UTRN: variants seen among roughly 807,000 people sequenced by gnomAD.
UTRN encodes utrophin.
Under a neutral mutation model 463.9 loss-of-function variants are expected in UTRN, and 283 were observed. The observed-to-expected ratio is 0.61, with a 90% CI of 0.55 to 0.67. The LOEUF (loss-of-function observed/expected upper bound fraction) is 0.67, where lower values mean the gene tolerates loss of function less well. UTRN is among the 30% of genes least tolerant of loss of function. The pLI is 0.00. For missense variants in UTRN, 3,922 were observed against 4,084.3 expected (o/e 0.96, Z 1.08); for synonymous variants, 1,442 against 1,431.5 (o/e 1.01, Z -0.17).
At chr6:144,627,207 G>C (rs1031612078) in intron 51 of UTRN, among the ~76,000 whole-genome samples, 4 of 152,052 alleles carry the variant, frequency 2.6e-5, no homozygotes, top group Non-Finnish European at 5.9e-5. Context: ...TCTCCAAGAG[G>C]AAGATGTTGG....
intron 50 of UTRN, among the ~76,000 whole-genome samples, chr6:144,566,325 A>G (rs937754487): frequency 7.2e-5 from 11 of 152,118 alleles, no homozygotes; most frequent in African/African-American, 2.7e-4. Flanking sequence ...GGGTAAATAT[A>G]TGGTATTGCT....
chr6:144,769,450 C>T lies in UTRN; in HGVS notation c.8496-2457C>T, dbSNP rs76827537. 7.0e-4 allele frequency among the ~76,000 whole-genome samples: 106 copies of T among 152,272 alleles called. 1 individual carries two copies. In the East Asian group the frequency reaches 9.1e-3, roughly 13 times the overall value. ...ATTCACAAAGGGAGATGCCCGTTCC[C>T]TCCCTCCATCTGTTTGCCAAATGTG... is the stretch of plus-strand genomic sequence containing the variant. On this transcript the variant is annotated intron_variant, in intron 58 of 74. Coordinates refer to ENST00000367545, the MANE Select transcript of UTRN (RefSeq NM_007124.3).
intron 41 of UTRN, among the ~76,000 whole-genome samples, 167 bp from the exon 42 acceptor site, chr6:144,530,885 T>A (rs571248475): frequency 6.6e-6 from 1 of 152,308 alleles, no homozygotes; most frequent in East Asian, 1.9e-4. Flanking sequence ...GAGGAATTAT[T>A]ACCTGTATCC....
chr6:144,831,516 T>G (rs1780671002), intron 69 of UTRN, among the ~76,000 whole-genome samples: 1 of 152,210 alleles, frequency 6.6e-6, no homozygotes, highest in South Asian at 2.1e-4. Flanking sequence ...ATGAGTCCTA[T>G]TTTATAAACA....
At chr6:144,819,167 A>G (rs1254726213) in intron 65 of UTRN, among the ~76,000 whole-genome samples, 1 of 152,162 alleles carries the variant, frequency 6.6e-6, no homozygotes, top group African/African-American at 2.4e-5. Flanking sequence ...ACCTTGTTGC[A>G]GGTTGTTTGT....
intron 51 of UTRN, among the ~76,000 whole-genome samples, chr6:144,661,464 C>T (rs1779855963): frequency 6.6e-6 from 1 of 152,106 alleles, no homozygotes; most frequent in East Asian, 1.9e-4. Flanking sequence ...TAACACAGGG[C>T]GGACTTCGAC....
intron 51 of UTRN, among the ~76,000 whole-genome samples, chr6:144,636,908 T>C (rs1777231807): frequency 6.6e-6 from 1 of 152,206 alleles, no homozygotes; most frequent in South Asian, 2.1e-4. Context: ...GAGGTTTTTT[T>C]TATTGGTAAC....
intron 46 of UTRN, 123 bp downstream of exon 46, chr6:144,542,993 A>G (rs1260134179): frequency 2.5e-6 from 2 of 788,568 alleles, no homozygotes; most frequent in Non-Finnish European, 3.9e-6. Context: ...TATTTAATCT[A>G]CTTTCAATGA....
chr6:144,536,919 C>A (rs1019055561), intron 43 of UTRN, among the ~76,000 whole-genome samples: 6 of 151,934 alleles, frequency 3.9e-5, no homozygotes, highest in Admixed American at 3.9e-4. Context: ...TTTTTATATT[C>A]ATTTGACTGT....
chr6:144,443,542 T>G (rs532791194), intron 13 of UTRN, among the ~76,000 whole-genome samples: 1 of 152,308 alleles, frequency 6.6e-6, no homozygotes, highest in East Asian at 1.9e-4. Context: ...TGTTCACATG[T>G]ATATAGTACA....
intron 50 of UTRN, among the ~76,000 whole-genome samples, chr6:144,574,522 A>G (rs927065014): frequency 3.9e-5 from 6 of 152,168 alleles, no homozygotes; most frequent in African/African-American, 1.2e-4. Flanking sequence ...GCCATTACCA[A>G]TAAGGCTGCT....
intron 66 of UTRN, 115 bp from the exon 67 acceptor site, chr6:144,827,232 AC>A: frequency 8.0e-7 from 1 of 1,255,548 alleles, no homozygotes; most frequent in Non-Finnish European, 1.1e-6. Context: ...TCTCAGGGCA[AC>A]CACATATATG....
In UTRN at chr6:144,487,589, C is replaced by A; in HGVS notation, c.3864C>A (p.Thr1288=). 1 of 1,613,238 alleles carries A rather than the reference C, an allele frequency of 6.2e-7. No homozygotes were observed. Among genetic ancestry groups the A allele is most frequent in the Non-Finnish European group, 8.5e-7 (1 of 1,179,538 alleles). ...SVLRHPADNR[T]QIRELGQTLI... is the part of the protein sequence containing the mutation. ...TGCGCCACCCGGCAGATAATCGCAC[C>A]CAGATTCGAGAGCTTGGCCAGACTC... The change falls in exon 29 of 75, where the codon ACC becomes ACA. Residue 1288 remains threonine, a synonymous_variant. Transcript: ENST00000367545.
chr6:144,377,133 G>A (rs965353405), intron 2 of UTRN, among the ~76,000 whole-genome samples: 3 of 152,138 alleles, frequency 2.0e-5, no homozygotes, highest in African/African-American at 7.2e-5. Context: ...TACCTTCTGG[G>A]TTCAAGTGAT....
chr6:144,379,524 T>A (rs553313233), intron 2 of UTRN, among the ~76,000 whole-genome samples: 1 of 152,312 alleles, frequency 6.6e-6, no homozygotes, highest in South Asian at 2.1e-4. Flanking sequence ...AGTGTCTTCA[T>A]GACATGGCTG....
chr6:144,485,100 A>T (rs560291438), intron 27 of UTRN, among the ~76,000 whole-genome samples: 221 of 151,450 alleles, frequency 1.5e-3, no homozygotes, highest in Middle Eastern at 3.4e-3. Flanking sequence ...ATATATATAT[A>T]TTTTTAGTAG....
At chr6:144,340,548 T>C (rs139978090) in intron 2 of UTRN, among the ~76,000 whole-genome samples, 95 of 152,300 alleles carry the variant, frequency 6.2e-4, no homozygotes, top group African/African-American at 2.1e-3. Context: ...AGCTAATTTG[T>C]TCTGTAATTC....
Position 144,497,730 on chromosome 6 carries a change from G to A in UTRN, c.4594-1527G>A, listed in dbSNP as rs184370173. ...ATGCAGAAATCACAGGTATGTATTG[G>A]ACATGTTGACATTTTAAGTACCTTT... On this transcript the variant is annotated intron_variant, in intron 33 of 74. Coordinates refer to ENST00000367545, the MANE Select transcript of UTRN (RefSeq NM_007124.3). Among the ~76,000 whole-genome samples, 5 of 152,026 alleles carry A rather than the reference G, an allele frequency of 3.3e-5. No homozygotes were observed. In the East Asian group the frequency reaches 7.7e-4, roughly 23 times the overall value.
intron 62 of UTRN, among the ~76,000 whole-genome samples, chr6:144,791,231 G>T (rs1022615966): frequency 6.6e-6 from 1 of 152,068 alleles, no homozygotes; most frequent in Non-Finnish European, 1.5e-5. Context: ...TGGCAGGGCC[G>T]CCATTCAAGA....
Sources: gnomAD v4.1 joint callset for allele counts (sites outside exome capture counted in the v4.1 genomes callset) on GRCh38, gnomAD v4.1.1 for gene constraint, MANE v1.5 for transcripts, NCBI Gene and HGNC (gene_info 2026-07-23, HGNC 2026-07-21) for gene names.